The following NAV2 variants were observed in gnomAD, a reference collection of about 807,000 sequenced individuals.
The protein encoded by NAV2 is helicase, APC down-regulated 1.
Under a neutral mutation model 223.2 loss-of-function variants are expected in NAV2, and 54 were observed. That is an observed-to-expected ratio of 0.24 (90% CI 0.19 to 0.30). The LOEUF is 0.30. Ranked by LOEUF, NAV2 falls within the 10% of genes least tolerant of loss-of-function variation. The probability of loss-of-function intolerance (pLI) is 1.00; values close to 1 mark genes in which losing one functional copy is unlikely to be tolerated. For synonymous variants in NAV2, 1,279 were observed against 1,239.3 expected, an observed-to-expected ratio of 1.03 and a Z score of -0.67; for missense variants, 2,806 against 3,147.5, an observed-to-expected ratio of 0.89 and a Z score of 2.60.
intron 6 of NAV2, among the ~76,000 whole-genome samples, chr11:19,895,104 CTTTTTTTT>C (rs71050690): frequency 1.0e-5 from 1 of 99,208 alleles, no homozygotes; most frequent in Non-Finnish European, 1.9e-5. Flanking sequence ...CTTTTTCTTT[CTTTTTTTT>C]TTTTTTTTTT....
At chr11:19,622,542 G>T (rs564079941) in intron 1 of NAV2, among the ~76,000 whole-genome samples, 26 of 152,188 alleles carry the variant, frequency 1.7e-4, no homozygotes, top group Middle Eastern at 6.8e-3. Flanking sequence ...ATCTTTGTTG[G>T]TTTAAAGTCT....
intron 1 of NAV2, among the ~76,000 whole-genome samples, chr11:19,748,949 A>G (rs1236965342): frequency 6.6e-6 from 1 of 152,248 alleles, no homozygotes; most frequent in Non-Finnish European, 1.5e-5. Context: ...GGTGACTGGC[A>G]AAAGCCAGGG....
At chr11:19,516,461 G>T (rs1251797078) in intron 1 of NAV2, among the ~76,000 whole-genome samples, 1 of 152,172 alleles carries the variant, frequency 6.6e-6, no homozygotes, top group Non-Finnish European at 1.5e-5. Context: ...TTTTAAGGCT[G>T]ATTTATTTAC....
intron 1 of NAV2, among the ~76,000 whole-genome samples, chr11:19,392,788 T>C (rs574694047): frequency 6.6e-6 from 1 of 152,324 alleles, no homozygotes; most frequent in African/African-American, 2.4e-5. Context: ...GTCAGAGCTG[T>C]AGTGAGGTTC....
chr11:19,932,236 C>CAAAAAAAAAAAAAAAAAA (rs398015484), intron 6 of NAV2, among the ~76,000 whole-genome samples: 1 of 78,984 alleles, frequency 1.3e-5, no homozygotes, highest in Non-Finnish European at 2.1e-5. Context: ...CACTCTTAAG[C>CAAAAAAAAAAAAAAAAAA]AAAAAAAAAA....
chr11:19,583,160 A>G (rs2045778224), intron 1 of NAV2, among the ~76,000 whole-genome samples: 2 of 152,180 alleles, frequency 1.3e-5, no homozygotes, highest in African/African-American at 4.8e-5. Flanking sequence ...GAGTTCACTC[A>G]TGATTTTGCT....
intron 1 of NAV2, among the ~76,000 whole-genome samples, chr11:19,359,869 C>T (rs1853831966): frequency 6.6e-6 from 1 of 152,134 alleles, no homozygotes. Context: ...GGTCCTTTCT[C>T]TCCTTCCCAA....
intron 1 of NAV2, among the ~76,000 whole-genome samples, chr11:19,798,289 C>T (rs1014743073): frequency 3.9e-5 from 6 of 152,194 alleles, no homozygotes; most frequent in African/African-American, 4.8e-5. Flanking sequence ...AGTGCTCAGA[C>T]GTGACTGCTT....
At chr11:19,843,697 A>G (rs1380935904) in intron 3 of NAV2, among the ~76,000 whole-genome samples, 1 of 151,894 alleles carries the variant, frequency 6.6e-6, no homozygotes, top group Non-Finnish European at 1.5e-5. Flanking sequence ...TATTTAAAAC[A>G]TGAAGGTGGC....
rs1258858741 is a variant in NAV2, at chr11:19,832,600, G to A, written c.384G>A (p.Val128=). ...GVLLAQIIQV[V]ANEKIEDING... ...TCCTGGCCCAGATTATCCAGGTTGT[G>A]GGTAAGAGCAGATTTTACCTTGGGG... The change falls in exon 2 of 38, where the codon GTG becomes GTA. Residue 128 remains valine, a splice_region_variant and synonymous_variant. Transcript: ENST00000349880. 6.2e-7 allele frequency: 1 copy of A among 1,613,514 alleles called. No homozygotes were observed. The highest frequency in any genetic ancestry group is 1.1e-5 in the South Asian group (1 of 91,056).
At chr11:19,679,974 TG>T (rs747977582) in intron 1 of NAV2, among the ~76,000 whole-genome samples, 54 of 152,144 alleles carry the variant, frequency 3.5e-4, no homozygotes, top group Non-Finnish European at 5.1e-4. Flanking sequence ...CCAGGAGGGT[TG>T]GGGGCCAAGG....
At position 20,120,535 on chromosome 11, in the gene NAV2, C is replaced by T. The variant is rs1185536026; in HGVS notation, c.*2277C>T. 1 of 152,602 alleles carries T rather than the reference C, an allele frequency of 6.6e-6. No individual in the cohort carries two copies. Among genetic ancestry groups the T allele is most frequent in the Non-Finnish European group, 1.5e-5 (1 of 68,026 alleles). The allele number at this position is 152,602 out of a possible 1,614,324, so 9.5% of individuals were successfully genotyped here. ...TTGGGAGGAGGTAAAGTTGACTTCT[C>T]CTCGTGGGCAGTTTTCCAATCACCT... On this transcript the variant is annotated 3_prime_UTR_variant, in exon 38 of 38. Coordinates refer to ENST00000349880, the MANE Select transcript of NAV2 (RefSeq NM_145117.5).
At chr11:19,927,479 G>A (rs2044875109) in intron 6 of NAV2, among the ~76,000 whole-genome samples, 1 of 152,224 alleles carries the variant, frequency 6.6e-6, no homozygotes, top group Non-Finnish European at 1.5e-5. Flanking sequence ...CTACTCAGGA[G>A]GCTGAGGCAG....
chr11:19,375,641 C>T (rs1488097848), intron 1 of NAV2, among the ~76,000 whole-genome samples: 1 of 152,152 alleles, frequency 6.6e-6, no homozygotes, highest in Non-Finnish European at 1.5e-5. Flanking sequence ...TGCTGTGGCT[C>T]GGATGGACCT....
At chr11:19,700,269 C>T (rs142341815) in intron 1 of NAV2, among the ~76,000 whole-genome samples, 40 of 152,272 alleles carry the variant, frequency 2.6e-4, no homozygotes, top group African/African-American at 9.4e-4. Flanking sequence ...ACCTGAGGCA[C>T]AGAGAGATTA....
intron 2 of NAV2, among the ~76,000 whole-genome samples, chr11:19,837,221 A>C (rs995137421): frequency 2.6e-5 from 4 of 152,240 alleles, no homozygotes; most frequent in Admixed American, 2.6e-4. Context: ...AGGAATCCAC[A>C]AGCCTATAAT....
chr11:19,953,849 A>ACACACG (rs1555167180), intron 10 of NAV2, among the ~76,000 whole-genome samples: 1 of 126,404 alleles, frequency 7.9e-6, no homozygotes, highest in East Asian at 2.1e-4. Flanking sequence ...AGAAATGTGC[A>ACACACG]CGCGCGCGCG....
At chr11:19,635,676 C>T (rs941805331) in intron 1 of NAV2, among the ~76,000 whole-genome samples, 1 of 152,210 alleles carries the variant, frequency 6.6e-6, no homozygotes, top group African/African-American at 2.4e-5. Context: ...ACAACCTGCC[C>T]TCTGGTAACT....
chr11:19,543,495 C>T (rs934740466), intron 1 of NAV2, among the ~76,000 whole-genome samples: 1 of 152,154 alleles, frequency 6.6e-6, no homozygotes, highest in Non-Finnish European at 1.5e-5. Flanking sequence ...CTCACCTTAT[C>T]TCACTGACAC....
Sources: gnomAD v4.1 joint callset for allele counts (sites outside exome capture counted in the v4.1 genomes callset) on GRCh38, gnomAD v4.1.1 for gene constraint, MANE v1.5 for transcripts, NCBI Gene and HGNC (gene_info 2026-07-23, HGNC 2026-07-21) for gene names.